GRID2: variants seen among roughly 807,000 people sequenced by gnomAD.
GRID2 encodes glutamate receptor ionotropic, delta-2.
A neutral mutation model predicts 114.8 loss-of-function variants in GRID2; 33 were observed. That is an observed-to-expected ratio of 0.29 (90% CI 0.22 to 0.38). The LOEUF is 0.38. Among genes scored for constraint, GRID2 ranks in the 10% least tolerant of loss-of-function variants. The probability of loss-of-function intolerance (pLI) is 1.00; values close to 1 mark genes in which losing one functional copy is unlikely to be tolerated. For synonymous variants in GRID2, 505 were observed against 449.9 expected, an observed-to-expected ratio of 1.12 and a Z score of -1.55; for missense variants, 1,184 against 1,257.7, an observed-to-expected ratio of 0.94 and a Z score of 0.89.
At chr4:92,478,716 A>G (rs1479786937) in intron 1 of GRID2, among the ~76,000 whole-genome samples, 2 of 152,076 alleles carry the variant, frequency 1.3e-5, no homozygotes, top group Non-Finnish European at 2.9e-5. Flanking sequence ...ACACTTTTAA[A>G]TATATCTGAC....
intron 8 of GRID2, among the ~76,000 whole-genome samples, chr4:93,295,504 G>A (rs1297067018): frequency 2.0e-5 from 3 of 152,160 alleles, no homozygotes; most frequent in African/African-American, 7.2e-5. Context: ...GAAATCTGCA[G>A]GGCAGGCTGT....
chr4:93,340,393 A>C (rs1264218541), intron 8 of GRID2, among the ~76,000 whole-genome samples: 1 of 151,808 alleles, frequency 6.6e-6, no homozygotes, highest in Non-Finnish European at 1.5e-5. Flanking sequence ...ATCATTTAAA[A>C]TTTCTTTGGG....
At chr4:93,289,334 T>TA (rs1753499011) in intron 8 of GRID2, among the ~76,000 whole-genome samples, 1 of 152,180 alleles carries the variant, frequency 6.6e-6, no homozygotes, top group African/African-American at 2.4e-5. Context: ...GTCTTTTTTT[T>TA]AAGAGACTGG....
chr4:93,258,844 C>CAAACA (rs1749919729), intron 8 of GRID2: 1 of 448,302 alleles, frequency 2.2e-6, no homozygotes, highest in African/African-American at 2.0e-5. Flanking sequence ...AAGTAATTAA[C>CAAACA]AAACACAACT....
At chr4:93,235,149 T>C (rs1307825520) in intron 7 of GRID2, among the ~76,000 whole-genome samples, 2 of 152,098 alleles carry the variant, frequency 1.3e-5, no homozygotes, top group African/African-American at 2.4e-5. Flanking sequence ...AACCTCTGAT[T>C]CTCTTCTTTT....
At chr4:93,545,496 A>G (rs1272800131) in intron 13 of GRID2, among the ~76,000 whole-genome samples, 2 of 152,204 alleles carry the variant, frequency 1.3e-5, no homozygotes, top group Non-Finnish European at 2.9e-5. Flanking sequence ...AGACTGGTAT[A>G]CAATGAAGTT....
chr4:93,769,331 A>C lies in GRID2; in HGVS notation c.2482A>C (p.Ile828Leu). Residue 828 changes from isoleucine (I) to leucine (L), a missense_variant, in exon 15 of 16, where the codon ATA becomes CTA. By Grantham distance (5) the Ile-to-Leu change is conservative. Coordinates refer to ENST00000282020, the MANE Select transcript of GRID2 (RefSeq NM_001510.4). ...AAAGCAGAAAGGAGGCGCCCTGGAC[A>C]TAAAGAGCTTTGCAGGGGTCTTTTG... The part of the protein sequence containing the change: ...DTKQKGGALD[I>L]KSFAGVFCIL... 1 of 1,614,152 alleles carries C rather than the reference A, an allele frequency of 6.2e-7. No individual in the cohort carries two copies. The highest frequency in any genetic ancestry group is 8.5e-7 in the Non-Finnish European group (1 of 1,180,000).
chr4:93,508,441 C>T (rs944702076), intron 12 of GRID2, among the ~76,000 whole-genome samples: 56 of 152,180 alleles, frequency 3.7e-4, no homozygotes, highest in East Asian at 1.9e-3. Context: ...ATGATCTGCC[C>T]GCCTTGGCCT....
chr4:92,629,424 TCCCCATTGAACTA>T, intron 2 of GRID2, among the ~76,000 whole-genome samples: 1 of 152,194 alleles, frequency 6.6e-6, no homozygotes, highest in Non-Finnish European at 1.5e-5. Flanking sequence ...CTATAAATCA[TCCCCATTGAACTA>T]CTTCAAAATG....
intron 13 of GRID2, among the ~76,000 whole-genome samples, chr4:93,602,658 T>C (rs1463267696): frequency 6.6e-6 from 1 of 152,182 alleles, no homozygotes; most frequent in Non-Finnish European, 1.5e-5. Context: ...CGACTGACAG[T>C]TTACTCATTT....
intron 2 of GRID2, among the ~76,000 whole-genome samples, chr4:92,715,893 C>G (rs993299390): frequency 6.6e-6 from 1 of 152,118 alleles, no homozygotes; most frequent in African/African-American, 2.4e-5. Context: ...AAACAATTGA[C>G]TTTTACTGAT....
At chr4:92,543,153 T>C (rs1046244146) in intron 1 of GRID2, among the ~76,000 whole-genome samples, 3 of 152,062 alleles carry the variant, frequency 2.0e-5, no homozygotes, top group African/African-American at 4.8e-5. Context: ...AAGAAAGATA[T>C]ATAATATAAT....
In GRID2 at chr4:93,727,904, C is replaced by G. The variant is rs542729693; in HGVS notation, c.2361-41306C>G. ...CTTCTTTATTAGTCTTGCTAGCAGTCTATCAATTTTGTTGATCCTTTCAAA... is the reference window on the plus strand; with the variant it reads ...CTTCTTTATTAGTCTTGCTAGCAGTGTATCAATTTTGTTGATCCTTTCAAA... On this transcript the variant is annotated intron_variant, in intron 14 of 15. Coordinates refer to ENST00000282020, the MANE Select transcript of GRID2 (RefSeq NM_001510.4). Among the ~76,000 whole-genome samples the G allele has an allele frequency of 1.2e-3, 184 of 152,264 alleles. 1 individual carries two copies. The highest frequency in any genetic ancestry group is 4.2e-3 in the African/African-American group (174 of 41,552).
chr4:93,396,644 G>T (rs937266872), intron 9 of GRID2, among the ~76,000 whole-genome samples: 1 of 152,002 alleles, frequency 6.6e-6, no homozygotes, highest in African/African-American at 2.4e-5. Flanking sequence ...CCATGGATAA[G>T]AAGAGTCTAC....
intron 1 of GRID2, among the ~76,000 whole-genome samples, chr4:92,449,983 T>A (rs1006666653): frequency 3.3e-5 from 5 of 151,842 alleles, no homozygotes; most frequent in African/African-American, 1.2e-4. Flanking sequence ...ATGTAAAACA[T>A]AATTCATCTT....
At chr4:92,443,554 G>A (rs1406164191) in intron 1 of GRID2, among the ~76,000 whole-genome samples, 1 of 152,088 alleles carries the variant, frequency 6.6e-6, no homozygotes, top group East Asian at 1.9e-4. Flanking sequence ...AGAGATAAGA[G>A]GTCGGGACGT....
chr4:92,902,343 G>A (rs907569456), intron 2 of GRID2, among the ~76,000 whole-genome samples: 6 of 151,808 alleles, frequency 4.0e-5, no homozygotes, highest in Admixed American at 2.0e-4. Flanking sequence ...ATTGTTTCTC[G>A]CTTAATGTAG....
At chr4:93,098,518 C>T (rs1021511095) in intron 3 of GRID2, among the ~76,000 whole-genome samples, 3 of 151,782 alleles carry the variant, frequency 2.0e-5, no homozygotes, top group Non-Finnish European at 4.4e-5. Context: ...AGGAGGTGCT[C>T]GTCAGAATAG....
intron 2 of GRID2, among the ~76,000 whole-genome samples, chr4:92,886,186 C>A (rs540076525): frequency 6.6e-6 from 1 of 152,118 alleles, no homozygotes; most frequent in Admixed American, 6.6e-5. Flanking sequence ...GGTGGAGCAG[C>A]CAGAACCAGC....
Sources: gnomAD v4.1 joint callset for allele counts (sites outside exome capture counted in the v4.1 genomes callset) on GRCh38, gnomAD v4.1.1 for gene constraint, MANE v1.5 for transcripts, NCBI Gene and HGNC (gene_info 2026-07-23, HGNC 2026-07-21) for gene names.